Variants in RERE observed in about 807,000 individuals in gnomAD.
RERE encodes the protein arginine-glutamic acid dipeptide repeats, also known as arginine-glutamic acid dipeptide repeats protein.
A neutral mutation model predicts 146.1 loss-of-function variants in RERE; 40 were observed. That is an observed-to-expected ratio of 0.27 (90% CI 0.21 to 0.36). RERE has a LOEUF of 0.36. Ranked by LOEUF, RERE falls within the 10% of genes least tolerant of loss-of-function variation. The probability of loss-of-function intolerance (pLI) is 1.00; values close to 1 mark genes in which losing one functional copy is unlikely to be tolerated. For synonymous variants in RERE, 1,003 were observed against 866.0 expected, an observed-to-expected ratio of 1.16 and a Z score of -2.78; for missense variants, 1,933 against 2,138.7, an observed-to-expected ratio of 0.90 and a Z score of 1.90.
intron 1 of RERE, among the ~76,000 whole-genome samples, chr1:8,789,712 T>C (rs1261820243): frequency 6.6e-6 from 1 of 152,048 alleles, no homozygotes; most frequent in South Asian, 2.1e-4. Flanking sequence ...CCCCACAAAT[T>C]CTGTACTTCA....
At chr1:8,598,176 T>C (rs886144370) in intron 4 of RERE, among the ~76,000 whole-genome samples, 3 of 152,204 alleles carry the variant, frequency 2.0e-5, no homozygotes, top group Non-Finnish European at 4.4e-5. Flanking sequence ...GCTGGAATTA[T>C]AAAGCGTACA....
chr1:8,420,958 G>A (rs1274212887), intron 12 of RERE, among the ~76,000 whole-genome samples: 3 of 152,192 alleles, frequency 2.0e-5, no homozygotes, highest in African/African-American at 4.8e-5. Flanking sequence ...GAAAAACATA[G>A]TAGAAGAACT....
chr1:8,530,225 G>A (rs1645625986), intron 7 of RERE, among the ~76,000 whole-genome samples: 2 of 152,188 alleles, frequency 1.3e-5, no homozygotes, highest in Admixed American at 6.5e-5. Flanking sequence ...GTGAACAACA[G>A]GTGTAGGATT....
At chr1:8,562,416 A>C (rs1437777989) in intron 4 of RERE, among the ~76,000 whole-genome samples, 1 of 152,120 alleles carries the variant, frequency 6.6e-6, no homozygotes, top group Non-Finnish European at 1.5e-5. Context: ...GTGTGAAAGC[A>C]CCCTAGGGTG....
intron 11 of RERE, among the ~76,000 whole-genome samples, chr1:8,442,655 G>A (rs1644265220): frequency 1.3e-5 from 2 of 152,158 alleles, no homozygotes; most frequent in South Asian, 4.1e-4. Flanking sequence ...ATTGGTGCCA[G>A]GAGTAGGGTA....
chr1:8,672,467 C>T (rs1410922711), intron 1 of RERE, among the ~76,000 whole-genome samples: 1 of 152,216 alleles, frequency 6.6e-6, no homozygotes, highest in African/African-American at 2.4e-5. Context: ...AGCCACCATG[C>T]TCAGCCTGGA....
intron 11 of RERE, among the ~76,000 whole-genome samples, chr1:8,448,232 G>A (rs1644347128): frequency 6.6e-6 from 1 of 152,216 alleles, no homozygotes; most frequent in African/African-American, 2.4e-5. Context: ...TTCAGAGCCA[G>A]AAGGGGACTA....
At chr1:8,530,383 G>A (rs1456602101) in intron 7 of RERE, among the ~76,000 whole-genome samples, 1 of 152,176 alleles carries the variant, frequency 6.6e-6, no homozygotes, top group Non-Finnish European at 1.5e-5. Context: ...TCAAAGGTAA[G>A]TAAAAGCTGT....
chr1:8,605,771 A>AAC (rs1491331726), intron 4 of RERE, among the ~76,000 whole-genome samples: 14 of 138,300 alleles, frequency 1.0e-4, no homozygotes, highest in South Asian at 2.3e-4. Context: ...AAAAAAAAAA[A>AAC]CCCCTAAAAA....
rs145754952 is a variant in RERE at position 8,474,767 on chromosome 1, T to G, written c.1105-8744A>C. Among the ~76,000 whole-genome samples, 561 of 152,358 alleles carry G rather than the reference T, an allele frequency of 3.7e-3. 1 individual carries two copies. Among genetic ancestry groups the G allele is most frequent in the African/African-American group, 0.013 (544 of 41,576 alleles). ...CCTTTTTAGATCAAATGGCATTGCATCTGGCAGTTTCTACTATGCCAAAGC... is the reference window on the plus strand; with the variant it reads ...CCTTTTTAGATCAAATGGCATTGCAGCTGGCAGTTTCTACTATGCCAAAGC... On this transcript the variant is annotated intron_variant, in intron 10 of 22. Transcript: ENST00000400908.
chr1:8,356,139 G>T lies in RERE; in HGVS notation c.4447C>A (p.Pro1483Thr). Residue 1483 changes from proline to threonine, a missense_variant, in exon 21 of 23, where the codon CCC becomes ACC. By Grantham distance (38) the Pro-to-Thr change is conservative. Around this residue, in one of 11 missense-constraint regions of RERE, gnomAD observed 133 missense variants for 168.6 expected, o/e 0.79. Transcript: ENST00000400908. This position sits in a 1 kb window ranked among gnomAD's most constrained non-coding sequence, Gnocchi z 5.2. ...GTLPNPLLGQPPHEHEMLRHP... is the reference protein window; with the variant it reads ...GTLPNPLLGQTPHEHEMLRHP... ...CGAAGCATCTCGTGCTCGTGTGGGG[G>T]CTGTCCAAGCAGAGGGTTGGGGAGA... is the stretch of plus-strand genomic sequence containing the variant. 6.6e-7 allele frequency: 1 copy of T among 1,513,458 alleles called. No individual in the cohort carries two copies. The highest frequency in any genetic ancestry group is 2.7e-5 in the East Asian group (1 of 37,500). The allele number at this position is 1,513,458 out of a possible 1,614,324, so 93.8% of individuals were successfully genotyped here. A position where few individuals can be genotyped will look rare whatever the true frequency, so the allele number is the denominator to read the frequency against.
intron 1 of RERE, among the ~76,000 whole-genome samples, chr1:8,690,698 T>C (rs1198619349): frequency 6.6e-6 from 1 of 152,122 alleles, no homozygotes; most frequent in Admixed American, 6.6e-5. Context: ...GTTTCACGGG[T>C]CACACAGGCT....
chr1:8,481,193 T>C (rs544898160), intron 10 of RERE, among the ~76,000 whole-genome samples: 2 of 152,350 alleles, frequency 1.3e-5, no homozygotes, highest in Non-Finnish European at 2.9e-5. Context: ...CTCGGCTCAC[T>C]GCAGCCTCCA....
intron 12 of RERE, among the ~76,000 whole-genome samples, chr1:8,418,930 TTCAGACACCGGGCGCTCTGTGAC>T (rs1314695838): frequency 6.6e-6 from 1 of 152,186 alleles, no homozygotes; most frequent in Non-Finnish European, 1.5e-5. Flanking sequence ...CTCCCAAAAG[TTCAGACACCGGGCGCTCTGTGAC>T]TTATACAAAT....
chr1:8,366,155 C>A (rs1171762318), intron 12 of RERE, among the ~76,000 whole-genome samples, 181 bp from the exon 13 acceptor site: 2 of 152,212 alleles, frequency 1.3e-5, no homozygotes, highest in Non-Finnish European at 2.9e-5. Context: ...CACTGAGCTG[C>A]CCGTGGACTG....
At chr1:8,538,589 T>G (rs780392649) in intron 7 of RERE, among the ~76,000 whole-genome samples, 7 of 152,188 alleles carry the variant, frequency 4.6e-5, no homozygotes, top group Non-Finnish European at 7.3e-5. Context: ...CTGCATTAGC[T>G]CCACTGCTGC....
chr1:8,485,381 A>G (rs552025319), intron 10 of RERE, among the ~76,000 whole-genome samples: 14 of 152,252 alleles, frequency 9.2e-5, no homozygotes, highest in African/African-American at 3.1e-4. Flanking sequence ...ACATACGGCT[A>G]AAGTTTTATA....
intron 2 of RERE, among the ~76,000 whole-genome samples, chr1:8,653,694 CAAA>C (rs775354970): frequency 6.5e-5 from 3 of 45,878 alleles, no homozygotes; most frequent in Non-Finnish European, 1.4e-4. Flanking sequence ...GACTCCACCT[CAAA>C]AAAAAAAAAA....
At chr1:8,711,987 C>CA (rs1557497177) in intron 1 of RERE, among the ~76,000 whole-genome samples, 1 of 152,054 alleles carries the variant, frequency 6.6e-6, no homozygotes, top group Non-Finnish European at 1.5e-5. Context: ...TTAAATGTTT[C>CA]AAAAAATTAA....
Sources: gnomAD v4.1 joint callset for allele counts (sites outside exome capture counted in the v4.1 genomes callset) on GRCh38, gnomAD v4.1.1 for gene constraint, gnomAD v4.1.1 regional missense constraint, Gnocchi (gnomAD v3.1) non-coding constraint, MANE v1.5 for transcripts, NCBI Gene and HGNC (gene_info 2026-07-23, HGNC 2026-07-21) for gene names.